The following NAA15 variants were observed in gnomAD, a reference collection of about 807,000 sequenced individuals.
NAA15 encodes the protein N-alpha-acetyltransferase 15, NatA auxiliary subunit, also known as N-terminal acetyltransferase.
A neutral mutation model predicts 114.0 loss-of-function variants in NAA15; 34 were observed. That is an observed-to-expected ratio of 0.30 (90% CI 0.23 to 0.40). The LOEUF is 0.40. Among genes scored for constraint, NAA15 ranks in the 10% least tolerant of loss-of-function variants. The pLI is 1.00. For missense variants in NAA15, 658 were observed against 1,004.5 expected (o/e 0.66, Z 4.66); for synonymous variants, 340 against 338.0 (o/e 1.01, Z -0.06).
chr4:139,371,101 A>G (rs1245872514), intron 15 of NAA15, among the ~76,000 whole-genome samples: 1 of 152,196 alleles, frequency 6.6e-6, no homozygotes, highest in African/African-American at 2.4e-5. Context: ...TAATTGCATA[A>G]TTTGTTATGT....
Position 139,301,652 on chromosome 4 carries a change from G to T in NAA15, c.-126G>T. On this transcript the variant is annotated 5_prime_UTR_variant, in exon 1 of 20. It adds an upstream start codon to the 5' untranslated region. Transcript: ENST00000296543. The stretch of plus-strand genomic sequence containing the variant: ...GGTAGGGCAACGCGGCGACACCCGA[G>T]GCCTGGTGGTGGCGGCGGATCGAGA... 1 of 1,123,614 alleles carries T rather than the reference G, an allele frequency of 8.9e-7. No homozygotes were observed. The highest frequency in any genetic ancestry group is 1.3e-6 in the Non-Finnish European group (1 of 785,134). 69.6% of individuals were successfully genotyped at this position (1,123,614 alleles called of 1,614,324 possible). A position where few individuals can be genotyped will look rare whatever the true frequency, so the allele number is the denominator to read the frequency against.
At chr4:139,315,046 G>T (rs201067269) in intron 1 of NAA15, among the ~76,000 whole-genome samples, 44,640 of 91,534 alleles carry the variant, frequency 0.49, 9,734 homozygotes, top group African/African-American at 0.64. Context: ...GTTAGGTTAG[G>T]TTAGGTTAGT....
In NAA15 at chr4:139,301,602, A is replaced by G; in HGVS notation, c.-176A>G. 1.5e-6 allele frequency: 1 copy of G among 663,474 alleles called. No individual in the cohort carries two copies. Among genetic ancestry groups the G allele is most frequent in the East Asian group, 3.0e-5 (1 of 33,628 alleles). The allele number at this position is 663,474 out of a possible 1,614,324, so 41.1% of individuals were successfully genotyped here. A position where few individuals can be genotyped will look rare whatever the true frequency, so the allele number is the denominator to read the frequency against. ...AGCGTTAAGTGAGAAAGGAAAAAAG[A>G]CAACGAGGAAAAAGGAGGTGTCCGG... On this transcript the variant is annotated 5_prime_UTR_variant, in exon 1 of 20. Transcript: ENST00000296543.
intron 1 of NAA15, among the ~76,000 whole-genome samples, chr4:139,307,805 A>G (rs986980552): frequency 6.6e-6 from 1 of 152,146 alleles, no homozygotes; most frequent in Non-Finnish European, 1.5e-5. Context: ...ACAGTCTGGA[A>G]TAAAACTTTT....
At chr4:139,315,036 G>T (rs570160427) in intron 1 of NAA15, among the ~76,000 whole-genome samples, 27,834 of 81,570 alleles carry the variant, frequency 0.34, 4,633 homozygotes, top group African/African-American at 0.54. Context: ...GTTAGGTTAG[G>T]TTAGGTTAGG....
At chr4:139,373,245 C>T (rs1261373996) in intron 15 of NAA15, among the ~76,000 whole-genome samples, 2 of 152,084 alleles carry the variant, frequency 1.3e-5, no homozygotes, top group Non-Finnish European at 2.9e-5. Context: ...ATGGTAAAGT[C>T]TACTACACAC....
At position 139,310,257 on chromosome 4, in the gene NAA15, A is replaced by G. The variant is rs375302518; in HGVS notation, c.54+8426A>G. ...ATCACGAGGTCAGGAGATCGAGACC[A>G]TCCTGGCTAAAACGGTGAAACCCTG... On this transcript the variant is annotated intron_variant, in intron 1 of 19. Transcript: ENST00000296543. Among the ~76,000 whole-genome samples, 6 of 151,814 alleles carry G rather than the reference A, an allele frequency of 4.0e-5. No individual in the cohort carries two copies. The East Asian group carries it at 5.8e-4, about 15-fold the overall frequency.
At chr4:139,335,613 A>C (rs1332471553) in intron 2 of NAA15, among the ~76,000 whole-genome samples, 1 of 151,772 alleles carries the variant, frequency 6.6e-6, no homozygotes, top group African/African-American at 2.4e-5. Context: ...TGATCCACCC[A>C]CCTCGGCCTC....
chr4:139,313,603 C>G (rs557255906), intron 1 of NAA15, among the ~76,000 whole-genome samples: 1 of 150,614 alleles, frequency 6.6e-6, no homozygotes, highest in African/African-American at 2.5e-5. Flanking sequence ...GTGTAGTGGC[C>G]GCGTGATCTT....
At chr4:139,350,764 G>C (rs1747752846) in intron 7 of NAA15, among the ~76,000 whole-genome samples, 1 of 152,110 alleles carries the variant, frequency 6.6e-6, no homozygotes, top group Admixed American at 6.6e-5. Context: ...TGAATAGTTA[G>C]GAGAAGTACC....
At chr4:139,384,360 C>T (rs964060577) in intron 17 of NAA15, among the ~76,000 whole-genome samples, 1 of 152,118 alleles carries the variant, frequency 6.6e-6, no homozygotes, top group Admixed American at 6.5e-5. Context: ...CACCTGTGGT[C>T]CCAGCTTCTC....
chr4:139,374,343 A>T (rs1262617713), intron 15 of NAA15, among the ~76,000 whole-genome samples: 2 of 152,170 alleles, frequency 1.3e-5, no homozygotes, highest in Admixed American at 1.3e-4. Flanking sequence ...GGAGACAAAG[A>T]ATAATATGCA....
chr4:139,328,907 C>G (rs1746899899), intron 1 of NAA15, among the ~76,000 whole-genome samples: 1 of 147,500 alleles, frequency 6.8e-6, no homozygotes, highest in Non-Finnish European at 1.5e-5. Context: ...CTCTGTTGTC[C>G]AGGCTGGAGT....
chr4:139,342,053 T>C (rs1180269555), intron 4 of NAA15, among the ~76,000 whole-genome samples: 1 of 152,186 alleles, frequency 6.6e-6, no homozygotes, highest in Non-Finnish European at 1.5e-5. Flanking sequence ...TCTTTCTACC[T>C]CCACTGACTC....
At chr4:139,348,846 G>C (rs1206466279) in intron 6 of NAA15, among the ~76,000 whole-genome samples, 1 of 152,190 alleles carries the variant, frequency 6.6e-6, no homozygotes, top group Non-Finnish European at 1.5e-5. Flanking sequence ...TGATGTGATT[G>C]GTCATGCAGT....
chr4:139,330,617 G>A (rs1340476303), intron 1 of NAA15, among the ~76,000 whole-genome samples: 1 of 152,130 alleles, frequency 6.6e-6, no homozygotes, highest in Non-Finnish European at 1.5e-5. Flanking sequence ...TTGAAGAGGG[G>A]GAATCAACTC....
At chr4:139,377,556 G>T (rs984704816) in intron 16 of NAA15, among the ~76,000 whole-genome samples, 4 of 151,528 alleles carry the variant, frequency 2.6e-5, no homozygotes, top group Non-Finnish European at 5.9e-5. Flanking sequence ...AAAAGGTCAT[G>T]TTTATCAAAA....
intron 3 of NAA15, among the ~76,000 whole-genome samples, 187 bp downstream of exon 3, chr4:139,337,139 C>T (rs1747225009): frequency 6.6e-6 from 1 of 152,188 alleles, no homozygotes; most frequent in African/African-American, 2.4e-5. Context: ...TTAACATTCT[C>T]TTATTTCACA....
intron 1 of NAA15, among the ~76,000 whole-genome samples, chr4:139,330,612 G>A (rs1038837665): frequency 7.9e-5 from 12 of 152,282 alleles, no homozygotes; most frequent in African/African-American, 2.6e-4. Flanking sequence ...TTGAGTTGAA[G>A]AGGGGGAATC....
Sources: allele counts gnomAD v4.1 joint callset (sites outside exome capture counted in the v4.1 genomes callset), GRCh38; gene constraint gnomAD v4.1.1; transcripts MANE v1.5; gene names NCBI Gene and HGNC (gene_info 2026-07-23, HGNC 2026-07-21).